PNKD: variants seen among roughly 807,000 people sequenced by gnomAD.
PNKD encodes PNKD metallo-beta-lactamase domain containing.
PNKD carries 36 observed loss-of-function variants against 45.3 expected under a neutral mutation model. That is an observed-to-expected ratio of 0.80 (90% CI 0.61 to 1.05). The LOEUF is 1.05. Ranked by LOEUF, PNKD falls within the 50% of genes least tolerant of loss-of-function variation. PNKD has a pLI of 0.00. For missense variants in PNKD, 511 were observed against 506.6 expected, an observed-to-expected ratio of 1.01 and a Z score of -0.08; for synonymous variants, 197 against 210.1, an observed-to-expected ratio of 0.94 and a Z score of 0.54.
Position 218,288,256 on chromosome 2 carries a change from A to G in PNKD, c.236+16707A>G, listed in dbSNP as rs181563662. Among the ~76,000 whole-genome samples, 236 of 152,222 alleles carry G rather than the reference A, an allele frequency of 1.6e-3. 1 individual carries two copies. The highest frequency in any genetic ancestry group is 5.4e-3 in the African/African-American group (225 of 41,554). On this transcript the variant is annotated intron_variant, in intron 2 of 9. Coordinates refer to ENST00000273077, the MANE Select transcript of PNKD (RefSeq NM_015488.5). ...ATCCTGGCTAACATGGTGAAACCCCATCTCTACTAAAAAATACAAAAAATT... is the reference window on the plus strand; with the variant it reads ...ATCCTGGCTAACATGGTGAAACCCCGTCTCTACTAAAAAATACAAAAAATT...
At chr2:218,279,771 C>G (rs1691680936) in intron 2 of PNKD, among the ~76,000 whole-genome samples, 1 of 152,310 alleles carries the variant, frequency 6.6e-6, no homozygotes, top group African/African-American at 2.4e-5. Flanking sequence ...GGCGCTGTGG[C>G]AGAACCCACC....
chr2:218,282,643 G>A (rs1692138541), intron 2 of PNKD, among the ~76,000 whole-genome samples: 2 of 152,250 alleles, frequency 1.3e-5, no homozygotes, highest in Non-Finnish European at 2.9e-5. Flanking sequence ...GGGGATGCCA[G>A]GCCTGGAAGC....
In PNKD at chr2:218,331,171, T is replaced by G. The variant is rs546901814; in HGVS notation, c.237-8612T>G. 8.5e-5 allele frequency among the ~76,000 whole-genome samples: 13 copies of G among 152,202 alleles called. 1 individual carries two copies. Among genetic ancestry groups the G allele is most frequent in the African/African-American group, 2.6e-4 (11 of 41,548 alleles). Reference sequence around the variant, plus strand: ...GGCTGATGCCTGTAATCCCAGCACTTTGGGAGGGCGAGGCAGGTGGATCAC... The same window carrying G: ...GGCTGATGCCTGTAATCCCAGCACTGTGGGAGGGCGAGGCAGGTGGATCAC... On this transcript the variant is annotated intron_variant, in intron 2 of 9. Transcript: ENST00000273077.
chr2:218,305,214 C>G (rs1270840935), intron 2 of PNKD, among the ~76,000 whole-genome samples: 1 of 152,174 alleles, frequency 6.6e-6, no homozygotes, highest in Non-Finnish European at 1.5e-5. Context: ...TTCCTTCCCA[C>G]ACAACAGAAC....
At chr2:218,339,149 A>G (rs1287094447) in intron 2 of PNKD, among the ~76,000 whole-genome samples, 1 of 151,964 alleles carries the variant, frequency 6.6e-6, no homozygotes, top group African/African-American at 2.4e-5. Flanking sequence ...GTTCTTTCTG[A>G]AATATTTTTT....
intron 2 of PNKD, among the ~76,000 whole-genome samples, chr2:218,314,023 G>A (rs1185454502): frequency 2.7e-5 from 4 of 149,620 alleles, no homozygotes; most frequent in Non-Finnish European, 5.9e-5. Flanking sequence ...CCAGGTTCAA[G>A]CGATTCTTCT....
intron 2 of PNKD, among the ~76,000 whole-genome samples, chr2:218,292,021 TGCCAGGCCCTG>T (rs1385516967): frequency 6.6e-6 from 1 of 151,102 alleles, no homozygotes; most frequent in African/African-American, 2.4e-5. Context: ...CTGGGGTCCG[TGCCAGGCCCTG>T]GCTGTCTCCC....
At chr2:218,277,982 G>A (rs758141955) in intron 2 of PNKD, 3 of 1,614,142 alleles carry the variant, frequency 1.9e-6, no homozygotes, top group Middle Eastern at 1.6e-4. Flanking sequence ...CGTCTGAAGG[G>A]AAAGAGAAGC....
At chr2:218,338,750 C>G (rs1218947174) in intron 2 of PNKD, among the ~76,000 whole-genome samples, 3 of 148,816 alleles carry the variant, frequency 2.0e-5, no homozygotes, top group African/African-American at 7.4e-5. Context: ...TCCCAAAGTG[C>G]TGGGATTACA....
intron 2 of PNKD, chr2:218,279,956 G>T: frequency 1.8e-6 from 2 of 1,129,284 alleles, no homozygotes; most frequent in South Asian, 1.2e-5. Flanking sequence ...GGGCTACTGT[G>T]GCCTACCCAC....
chr2:218,339,977 G>A, intron 3 of PNKD, 52 bp from the exon 4 acceptor site: 1 of 1,395,840 alleles, frequency 7.2e-7, no homozygotes, highest in South Asian at 1.2e-5. Context: ...ACATACCCCA[G>A]CCCCTGGGCT....
At position 218,344,886 on chromosome 2, in the gene PNKD, G is replaced by A; in HGVS notation, c.1063G>A (p.Gly355Arg). Residue 355 changes from glycine to arginine, a missense_variant, in exon 10 of 10, where the codon GGG (glycine) becomes AGG (arginine). Physicochemically the swap from Gly to Arg is moderately radical, Grantham distance 125 (BLOSUM62 -2). Transcript: ENST00000273077. ...THCLALQEAL[G>R]PGPGPTGDDD... The stretch of plus-strand genomic sequence containing the variant: ...CTGCCTGGCGCTACAGGAGGCTCTG[G>A]GGCCGGGGCCGGGCCCCACTGGGGA... The A allele has an allele frequency of 6.2e-7, 1 of 1,613,978 alleles. No individual in the cohort carries two copies. The highest frequency in any genetic ancestry group is 8.5e-7 in the Non-Finnish European group (1 of 1,179,882).
chr2:218,277,197 G>T, intron 2 of PNKD: 2 of 1,210,036 alleles, frequency 1.7e-6, no homozygotes, highest in Non-Finnish European at 1.2e-6. Flanking sequence ...CCTCCTAGGG[G>T]GTATGGGAAT....
intron 2 of PNKD, chr2:218,278,945 C>G: frequency 2.0e-6 from 3 of 1,486,920 alleles, no homozygotes; most frequent in Non-Finnish European, 2.8e-6. Context: ...TCTCAAAAAG[C>G]ATTTTGATCC....
intron 2 of PNKD, chr2:218,323,541 C>A: frequency 1.8e-6 from 2 of 1,104,848 alleles, no homozygotes; most frequent in Non-Finnish European, 2.5e-6. Context: ...TAGGAAGGGG[C>A]TTGGTCTAAG....
intron 2 of PNKD, among the ~76,000 whole-genome samples, chr2:218,308,140 G>A (rs1574682284): frequency 1.3e-5 from 2 of 151,126 alleles, no homozygotes; most frequent in South Asian, 2.1e-4. Context: ...TAAACAAATG[G>A]TACCCCATGA....
At chr2:218,288,386 G>A (rs374839087) in intron 2 of PNKD, among the ~76,000 whole-genome samples, 119 of 152,206 alleles carry the variant, frequency 7.8e-4, no homozygotes, top group African/African-American at 2.5e-3. Context: ...TCAAAATGGC[G>A]CCACTGCACT....
At chr2:218,307,330 A>C (rs552176861) in intron 2 of PNKD, among the ~76,000 whole-genome samples, 3 of 152,214 alleles carry the variant, frequency 2.0e-5, no homozygotes, top group Admixed American at 2.0e-4. Flanking sequence ...ATATATAATA[A>C]AATAATCATA....
chr2:218,341,216 A>G (rs1186216805), intron 5 of PNKD, among the ~76,000 whole-genome samples: 1 of 152,180 alleles, frequency 6.6e-6, no homozygotes, highest in Non-Finnish European at 1.5e-5. Flanking sequence ...GAAGTATGTG[A>G]TATTTAGGTA....
Sources: allele counts gnomAD v4.1 joint callset (sites outside exome capture counted in the v4.1 genomes callset), GRCh38; gene constraint gnomAD v4.1.1; transcripts MANE v1.5; gene names NCBI Gene and HGNC (gene_info 2026-07-23, HGNC 2026-07-21).